CMTM4: variants seen among roughly 807,000 people sequenced by gnomAD.
The protein encoded by CMTM4 is CKLF like MARVEL transmembrane domain containing 4, also known as CKLF-like MARVEL transmembrane domain-containing protein 4.
CMTM4 carries 8 observed loss-of-function variants against 19.0 expected under a neutral mutation model. The ratio of observed to expected loss-of-function variants is 0.42; its 90% CI spans 0.25 to 0.76. The LOEUF is 0.76. Among genes scored for constraint, CMTM4 ranks in the 30% least tolerant of loss-of-function variants. The pLI, the probability that CMTM4 is intolerant of heterozygous loss-of-function variation, is 0.27. For missense variants in CMTM4, 228 were observed against 290.2 expected (o/e 0.79, Z 1.56); for synonymous variants, 106 against 121.1 (o/e 0.88, Z 0.82).
At chr16:66,675,068 TAA>T (rs199528187) in intron 1 of CMTM4, among the ~76,000 whole-genome samples, 16 of 149,584 alleles carry the variant, frequency 1.1e-4, no homozygotes, top group African/African-American at 3.5e-4. Context: ...TTTCTTTACT[TAA>T]AAAAATTTTT....
chr16:66,687,161 GA>G (rs2017049829), intron 1 of CMTM4, among the ~76,000 whole-genome samples: 1 of 122,268 alleles, frequency 8.2e-6, no homozygotes. Flanking sequence ...TTTTTTTACA[GA>G]AAAGTGCATT....
chr16:66,689,879 C>A (rs1407080110), intron 1 of CMTM4, among the ~76,000 whole-genome samples: 1 of 152,110 alleles, frequency 6.6e-6, no homozygotes, highest in African/African-American at 2.4e-5. Context: ...TGTCTGTGTT[C>A]ATATAAGGAA....
chr16:66,650,237 C>T (rs1376577322), intron 1 of CMTM4, among the ~76,000 whole-genome samples: 1 of 152,166 alleles, frequency 6.6e-6, no homozygotes, highest in African/African-American at 2.4e-5. Context: ...GGTTGGGATA[C>T]AACCTAGTTC....
At chr16:66,644,741 C>T (rs972819616) in intron 1 of CMTM4, among the ~76,000 whole-genome samples, 2 of 152,200 alleles carry the variant, frequency 1.3e-5, no homozygotes, top group Admixed American at 6.5e-5. Flanking sequence ...TGCTCCTTCC[C>T]TGCCACAGCA....
intron 2 of CMTM4, among the ~76,000 whole-genome samples, chr16:66,625,390 C>T (rs1368467655): frequency 2.7e-5 from 4 of 150,444 alleles, no homozygotes; most frequent in Admixed American, 6.6e-5. Context: ...GCCAAGACTG[C>T]GCCGCTGCAC....
chr16:66,685,439 C>T (rs115811247), intron 1 of CMTM4, among the ~76,000 whole-genome samples: 1,762 of 152,112 alleles, frequency 0.012, 35 homozygotes, highest in African/African-American at 0.038. Context: ...AGCTTCCAGA[C>T]ATACCTCAGT....
intron 2 of CMTM4, among the ~76,000 whole-genome samples, chr16:66,628,565 A>G (rs1457908309): frequency 2.6e-5 from 4 of 152,300 alleles, no homozygotes; most frequent in Middle Eastern, 3.4e-3. Flanking sequence ...GATTCCATAC[A>G]ACACATGTTT....
intron 1 of CMTM4, among the ~76,000 whole-genome samples, chr16:66,676,906 TATGTA>T (rs528068252): frequency 1.6e-4 from 25 of 152,296 alleles, no homozygotes; most frequent in Admixed American, 3.3e-4. Flanking sequence ...GTCAGGGACA[TATGTA>T]ATGTAAAATA....
At chr16:66,678,371 G>A (rs566549172) in intron 1 of CMTM4, among the ~76,000 whole-genome samples, 3 of 152,200 alleles carry the variant, frequency 2.0e-5, no homozygotes, top group Non-Finnish European at 2.9e-5. Context: ...ATGATGAGCT[G>A]GATAAAAATC....
downstream of CMTM4, chr16:66,609,986 C>G (rs1298845129): frequency 6.2e-7 from 1 of 1,614,196 alleles, no homozygotes; most frequent in East Asian, 2.2e-5. This position sits in a 1 kb window ranked among gnomAD's most constrained non-coding sequence, Gnocchi z 4.4. Context: ...GATGAGACCA[C>G]AGCCCACAAG....
intron 1 of CMTM4, among the ~76,000 whole-genome samples, chr16:66,674,885 G>C (rs1182803470): frequency 6.6e-6 from 1 of 151,246 alleles, no homozygotes; most frequent in Non-Finnish European, 1.5e-5. Flanking sequence ...GGGATTACAG[G>C]TGCCTGCCAC....
chr16:66,602,463 T>C, the CMTM4 span, among the ~76,000 whole-genome samples: 17 of 152,142 alleles, frequency 1.1e-4, no homozygotes, highest in Admixed American at 6.5e-4. Flanking sequence ...AGATTTTTAT[T>C]CACCCTATAC....
chr16:66,678,098 G>C (rs1193728897), intron 1 of CMTM4, among the ~76,000 whole-genome samples: 1 of 152,138 alleles, frequency 6.6e-6, no homozygotes, highest in Non-Finnish European at 1.5e-5. Flanking sequence ...GATCACTTGA[G>C]CCCAGGAATT....
At chr16:66,653,468 G>T (rs536792303) in intron 1 of CMTM4, among the ~76,000 whole-genome samples, 52 of 152,210 alleles carry the variant, frequency 3.4e-4, no homozygotes, top group African/African-American at 1.2e-3. Context: ...TAGCAGTACA[G>T]GCCCAAACCT....
intron 2 of CMTM4, among the ~76,000 whole-genome samples, chr16:66,632,724 C>A (rs1288053831): frequency 6.6e-6 from 1 of 152,028 alleles, no homozygotes; most frequent in African/African-American, 2.4e-5. Flanking sequence ...AGGAGGAGCC[C>A]CGTGGCACTA....
chr16:66,610,007 A>G, downstream of CMTM4: 1 of 1,614,184 alleles, frequency 6.2e-7, no homozygotes, highest in Non-Finnish European at 8.5e-7. The surrounding 1 kb of genome is among the most constrained non-coding windows in gnomAD (Gnocchi z 4.6). Context: ...ACAGAAGGTA[A>G]GCGGCTGCCC....
intron 2 of CMTM4, among the ~76,000 whole-genome samples, chr16:66,633,134 T>TATATATAAATATATATATATAA (rs1567408528): frequency 3.6e-5 from 5 of 139,954 alleles, no homozygotes; most frequent in African/African-American, 1.3e-4. Context: ...TATATATAAA[T>TATATATAAATATATATATATAA]ATATATATAT....
intron 1 of CMTM4, among the ~76,000 whole-genome samples, chr16:66,659,979 C>T (rs1156856055): frequency 6.6e-6 from 1 of 152,110 alleles, no homozygotes. Flanking sequence ...CAATAAGAAA[C>T]AACCCAATTA....
chr16:66,612,398 A>G (rs1385193525), downstream of CMTM4, among the ~76,000 whole-genome samples: 1 of 152,082 alleles, frequency 6.6e-6, no homozygotes, highest in East Asian at 1.9e-4. This position sits in a 1 kb window ranked among gnomAD's most constrained non-coding sequence, Gnocchi z 6.0. Flanking sequence ...ACAACAAAAA[A>G]AAAAGAGAGA....
Sources: allele counts gnomAD v4.1 joint callset (sites outside exome capture counted in the v4.1 genomes callset), GRCh38; gene constraint gnomAD v4.1.1; non-coding constraint Gnocchi (gnomAD v3.1); transcripts MANE v1.5; gene names NCBI Gene and HGNC (gene_info 2026-07-23, HGNC 2026-07-21).